APOE: variants seen among roughly 807,000 people sequenced by gnomAD.
APOE encodes the protein apolipoprotein E3.
Under a neutral mutation model 13.1 loss-of-function variants are expected in APOE, and 10 were observed. The observed-to-expected ratio is 0.76, with a 90% CI of 0.47 to 1.29. The LOEUF is 1.29. Among genes scored for constraint, APOE ranks in the 50% most tolerant of loss-of-function variants. The probability of loss-of-function intolerance (pLI) is 0.00; values close to 1 mark genes in which losing one functional copy is unlikely to be tolerated. For synonymous variants in APOE, 211 were observed against 207.1 expected (o/e 1.02, Z -0.16); for missense variants, 471 against 459.6 (o/e 1.02, Z -0.23).
chr19:44,907,853 TG>T lies in APOE; in HGVS notation c.139del (p.Ala47HisfsTer32). 1 of 1,614,020 alleles carries T rather than the reference TG, an allele frequency of 6.2e-7. No individual in the cohort carries two copies. The highest frequency in any genetic ancestry group is 1.1e-5 in the South Asian group (1 of 91,078). On this transcript the variant is annotated frameshift_variant, in exon 3 of 4. Transcript: ENST00000252486. LOFTEE classifies it high-confidence loss of function. The surrounding 1 kb of genome is among the most constrained non-coding windows in gnomAD (Gnocchi z 4.1). ...TGGCAGAGCGGCCAGCGCTGGGAAC[TG>T]GCACTGGGTCGCTTTTGGGATTACC... Reference protein sequence around the residue: ...TEWQSGQRWELALGRFWDYLR... With the variant: ...TEWQSGQRWEXALGRFWDYLR...
rs1214824838 is a variant in APOE, at chr19:44,906,617, G to T, written c.-8G>T. ...CCTTCCCCAGACTGGCCAATCACAG[G>T]CAGGAAGATGAAGGTTCTGTGGGCT... On this transcript the variant is annotated 5_prime_UTR_variant, in exon 2 of 4. Coordinates refer to ENST00000252486, the MANE Select transcript of APOE (RefSeq NM_000041.4). 6.2e-7 allele frequency: 1 copy of T among 1,614,110 alleles called. No individual in the cohort carries two copies.
At chr19:44,908,387 T>C in intron 3 of APOE, 146 bp from the exon 4 acceptor site, 1 of 823,102 alleles carries the variant, frequency 1.2e-6, no homozygotes, top group Non-Finnish European at 2.0e-6. Flanking sequence ...GCTCTCTGCA[T>C]CTGTCTCTGT....
In APOE at chr19:44,907,922, T is replaced by C. The variant is rs768780599; in HGVS notation, c.206T>C (p.Leu69Pro). The C allele has an allele frequency of 9.9e-6, 16 of 1,613,642 alleles. No individual in the cohort carries two copies. In the South Asian group the frequency reaches 1.1e-4, roughly 11 times the overall value. Reference sequence around the variant, plus strand: ...CTGTCTGAGCAGGTGCAGGAGGAGCTGCTCAGCTCCCAGGTCACCCAGGAA... The same window carrying C: ...CTGTCTGAGCAGGTGCAGGAGGAGCCGCTCAGCTCCCAGGTCACCCAGGAA... The part of the protein sequence containing the change: ...QTLSEQVQEE[L>P]LSSQVTQELR... Residue 69 changes from leucine to proline, a missense_variant, in exon 3 of 4, where the codon CTG (leucine) becomes CCG (proline). By Grantham distance (98) the Leu-to-Pro change is moderately conservative. Coordinates refer to ENST00000252486, the MANE Select transcript of APOE (RefSeq NM_000041.4). The surrounding 1 kb of genome is among the most constrained non-coding windows in gnomAD (Gnocchi z 4.1).
chr19:44,907,638 CT>C lies in APOE; in HGVS notation c.44-121del, dbSNP rs1969831709. 1.2e-5 allele frequency: 10 copies of C among 848,308 alleles called. No homozygotes were observed. The South Asian group carries it at 1.4e-4, about 12-fold the overall frequency. 52.5% of individuals were successfully genotyped at this position (848,308 alleles called of 1,614,324 possible). A position where few individuals can be genotyped will look rare whatever the true frequency, so the allele number is the denominator to read the frequency against. The stretch of plus-strand genomic sequence containing the variant: ...TCCAAGTGATTAAACCGACTCCCCC[CT>C]CACCCTGCCCACCATGGCTCCAAAG... On this transcript the variant is annotated intron_variant, in intron 2 of 3. Transcript: ENST00000252486. The surrounding 1 kb of genome is among the most constrained non-coding windows in gnomAD (Gnocchi z 4.1).
rs780533924 is a variant in APOE at position 44,907,715 on chromosome 19, C to G, written c.44-45C>G. The G allele has an allele frequency of 8.4e-6, 13 of 1,542,356 alleles. No individual in the cohort carries two copies. In the Admixed American group the frequency reaches 1.3e-4, roughly 15 times the overall value. ...TGCCCCTAGGTACTAGATGCCTGGA[C>G]GGGGTCAGAAGGACCCTGACCCACC... On this transcript the variant is annotated intron_variant, in intron 2 of 3. Transcript: ENST00000252486. This position sits in a 1 kb window ranked among gnomAD's most constrained non-coding sequence, Gnocchi z 4.1.
chr19:44,908,171 G>T (rs952114165), intron 3 of APOE, among the ~76,000 whole-genome samples: 1 of 151,914 alleles, frequency 6.6e-6, no homozygotes, highest in Non-Finnish European at 1.5e-5. Flanking sequence ...TCTCACACTC[G>T]TCCTGGCTCT....
chr19:44,908,318 G>A (rs1223088614), intron 3 of APOE, among the ~76,000 whole-genome samples: 2 of 152,130 alleles, frequency 1.3e-5, no homozygotes, highest in African/African-American at 4.8e-5. Flanking sequence ...TTAGAGGCAT[G>A]AGCCACCTTG....
rs1969830780 is a variant in APOE, at chr19:44,907,573, G to A, written c.44-187G>A. Among the ~76,000 whole-genome samples the A allele has an allele frequency of 6.6e-6, 1 of 152,170 alleles. No homozygotes were observed. Among genetic ancestry groups the A allele is most frequent in the African/African-American group, 2.4e-5 (1 of 41,440 alleles). On this transcript the variant is annotated intron_variant, in intron 2 of 3. Coordinates refer to ENST00000252486, the MANE Select transcript of APOE (RefSeq NM_000041.4). This position sits in a 1 kb window ranked among gnomAD's most constrained non-coding sequence, Gnocchi z 4.1. Reference sequence around the variant, plus strand: ...GTTCAGGCCGCTGCACTCCAGCCTGGGTGACAGAGCAAGACCCTGTTTATA... The same window carrying A: ...GTTCAGGCCGCTGCACTCCAGCCTGAGTGACAGAGCAAGACCCTGTTTATA...
Position 44,908,415 on chromosome 19 carries a change from T to A in APOE, c.237-118T>A, listed in dbSNP as rs1969850650. ...GTCTCTGTCTCCTTCTCTCGGCCTC[T>A]GCCCCGTTCCTTCTCTCCCTCTTGG... On this transcript the variant is annotated intron_variant, in intron 3 of 3. Coordinates refer to ENST00000252486, the MANE Select transcript of APOE (RefSeq NM_000041.4). 6.0e-6 allele frequency: 6 copies of A among 1,008,248 alleles called. No individual in the cohort carries two copies. The South Asian group carries it at 8.4e-5, about 14-fold the overall frequency. 62.5% of individuals were successfully genotyped at this position (1,008,248 alleles called of 1,614,324 possible).
Position 44,908,840 on chromosome 19 carries a change from GC to G in APOE, c.546del (p.Ala184ProfsTer67), listed in dbSNP as rs1203032387. 1 of 1,530,004 alleles carries G rather than the reference GC, an allele frequency of 6.5e-7. No individual in the cohort carries two copies. Among genetic ancestry groups the G allele is most frequent in the Non-Finnish European group, 8.7e-7 (1 of 1,143,494 alleles). The allele number at this position is 1,530,004 out of a possible 1,614,324, so 94.8% of individuals were successfully genotyped here. ...GCAGAAGCGCCTGGCAGTGTACCAG[GC>G]CGGGGCCCGCGAGGGCGCCGAGCGC... ...DLQKRLAVYQ[A>X]GAREGAERGL... On this transcript the variant is annotated frameshift_variant, in exon 4 of 4. Transcript: ENST00000252486. LOFTEE classifies it low-confidence loss of function (END_TRUNC).
chr19:44,908,009 G>A (rs1478130779), intron 3 of APOE, 57 bp downstream of exon 3: 1 of 1,546,556 alleles, frequency 6.5e-7, no homozygotes, highest in Non-Finnish European at 8.8e-7. Flanking sequence ...ACCTCCCCAG[G>A]TCCAGGTTTC....
chr19:44,908,012 C>A, intron 3 of APOE, 60 bp downstream of exon 3: 2 of 1,527,608 alleles, frequency 1.3e-6, no homozygotes, highest in Non-Finnish European at 1.8e-6. Flanking sequence ...TCCCCAGGTC[C>A]AGGTTTCATT....
At position 44,909,370 on chromosome 19, in the gene APOE, TAAAG is replaced by T; in HGVS notation, c.*122_*125del. 1 of 917,396 alleles carries T rather than the reference TAAAG, an allele frequency of 1.1e-6. No individual in the cohort carries two copies. The highest frequency in any genetic ancestry group is 1.7e-6 in the Non-Finnish European group (1 of 591,400). 56.8% of individuals were successfully genotyped at this position (917,396 alleles called of 1,614,324 possible). Reference sequence around the variant, plus strand: ...CCTCCTGGGGTGGACCCTAGTTTAATAAAGATTCACCAAGTTTCACGCATCTGCT... The same window carrying T: ...CCTCCTGGGGTGGACCCTAGTTTAATATTCACCAAGTTTCACGCATCTGCT... On this transcript the variant is annotated 3_prime_UTR_variant, in exon 4 of 4. Transcript: ENST00000252486.
At chr19:44,905,964 G>GGAGGAGCGGGGGTGAGGC (rs754131538) in intron 1 of APOE, 123 bp downstream of exon 1, 1 of 1,274,876 alleles carries the variant, frequency 7.8e-7, no homozygotes, top group South Asian at 1.3e-5. Flanking sequence ...CTTGGGGAGA[G>GGAGGAGCGGGGGTGAGGC]GAGGAGCGGG....
At chr19:44,906,994 C>A (rs1400409989) in intron 2 of APOE, 1 of 362,334 alleles carries the variant, frequency 2.8e-6, no homozygotes, top group Non-Finnish European at 5.2e-6. Context: ...CATTCTCCTG[C>A]CTCAGCCTCC....
rs1969832767 is a variant in APOE, at chr19:44,907,685, C to T, written c.44-75C>T. On this transcript the variant is annotated intron_variant, in intron 2 of 3. Coordinates refer to ENST00000252486, the MANE Select transcript of APOE (RefSeq NM_000041.4). This position sits in a 1 kb window ranked among gnomAD's most constrained non-coding sequence, Gnocchi z 4.1. ...CAAAGAAGCATTTGTGGAGCACCTTCTGTGTGCCCCTAGGTACTAGATGCC... is the reference window on the plus strand; with the variant it reads ...CAAAGAAGCATTTGTGGAGCACCTTTTGTGTGCCCCTAGGTACTAGATGCC... The T allele has an allele frequency of 2.2e-6, 3 of 1,368,336 alleles. No individual in the cohort carries two copies. Among genetic ancestry groups the T allele is most frequent in the Admixed American group, 2.0e-5 (1 of 50,984 alleles). 84.8% of individuals were successfully genotyped at this position (1,368,336 alleles called of 1,614,324 possible).
At chr19:44,906,833 C>T in intron 2 of APOE, 166 bp downstream of exon 2, 1 of 655,860 alleles carries the variant, frequency 1.5e-6, no homozygotes, top group Non-Finnish European at 2.7e-6. Flanking sequence ...CGGTTTCCCC[C>T]ATCCTTGAGA....
At chr19:44,906,534 G>A (rs910298064) in intron 1 of APOE, 68 bp from the exon 2 acceptor site, 2 of 1,573,546 alleles carry the variant, frequency 1.3e-6, no homozygotes, top group African/African-American at 2.7e-5. Context: ...GGTGAGGCCG[G>A]GTTGGGGCCG....
At position 44,906,860 on chromosome 19, in the gene APOE, T is replaced by TTTTGTTGTTGTTG. The variant is rs576699514; in HGVS notation, c.43+210_43+222dup. The TTTTGTTGTTGTTG allele has an allele frequency of 6.5e-6, 4 of 612,382 alleles. 1 individual carries two copies. The highest frequency in any genetic ancestry group is 5.8e-6 in the Non-Finnish European group (2 of 344,482). The allele number at this position is 612,382 out of a possible 1,614,324, so 37.9% of individuals were successfully genotyped here. A position where few individuals can be genotyped will look rare whatever the true frequency, so the allele number is the denominator to read the frequency against. On this transcript the variant is annotated intron_variant, in intron 2 of 3. Coordinates refer to ENST00000252486, the MANE Select transcript of APOE (RefSeq NM_000041.4). ...TCCTTGAGATAGGAGTTAGAAGTTG[T>TTTTGTTGTTGTTG]TTTGTTGTTGTTGTTTGTTGTTGTT... is the stretch of plus-strand genomic sequence containing the variant.
Sources: allele counts gnomAD v4.1 joint callset (sites outside exome capture counted in the v4.1 genomes callset), GRCh38; gene constraint gnomAD v4.1.1; non-coding constraint Gnocchi (gnomAD v3.1); transcripts MANE v1.5; gene names NCBI Gene and HGNC (gene_info 2026-07-23, HGNC 2026-07-21).